Variants in ABCA13 observed in about 807,000 individuals in gnomAD.
The protein encoded by ABCA13 is ATP-binding cassette sub-family A member 13.
In ABCA13, 476 loss-of-function variants were observed where a neutral mutation model predicts 478.7. The ratio of observed to expected loss-of-function variants is 0.99; its 90% CI spans 0.92 to 1.07. The LOEUF (loss-of-function observed/expected upper bound fraction) is 1.07. Among genes scored for constraint, ABCA13 ranks in the 50% least tolerant of loss-of-function variants. The pLI is 0.00. For synonymous variants in ABCA13, 2,252 were observed against 2,158.9 expected (o/e 1.04, Z -1.20); for missense variants, 6,060 against 5,910.6 (o/e 1.03, Z -0.83).
intron 59 of ABCA13, 118 bp downstream of exon 59, chr7:48,615,495 T>G (rs534042920): frequency 8.0e-6 from 7 of 873,396 alleles, no homozygotes; most frequent in Non-Finnish European, 1.0e-5. Context: ...TGGCATAAAA[T>G]AGGAGATGAA....
At chr7:48,449,623 C>A (rs1261094001) in intron 42 of ABCA13, among the ~76,000 whole-genome samples, 1 of 152,166 alleles carries the variant, frequency 6.6e-6, no homozygotes, top group African/African-American at 2.4e-5. Context: ...TGGTGTCTGC[C>A]TATTGAATTA....
chr7:48,575,802 A>G (rs560939735), intron 55 of ABCA13, among the ~76,000 whole-genome samples: 61 of 152,286 alleles, frequency 4.0e-4, no homozygotes, highest in African/African-American at 1.3e-3. Context: ...CTTAAAAACT[A>G]AAAATTATCA....
rs760473675 is a variant in ABCA13 at position 48,427,876 on chromosome 7, G to C, written c.12565+5G>C. On this transcript the variant is annotated splice_donor_5th_base_variant and intron_variant, in intron 42 of 61. Transcript: ENST00000435803. The stretch of plus-strand genomic sequence containing the variant: ...CAGGACATCTGTCTGGCTACTGTAA[G>C]TACAGAATGGCTTCCTGCATTTCTG... The C allele has an allele frequency of 6.4e-7, 1 of 1,564,090 alleles. No homozygotes were observed. The highest frequency in any genetic ancestry group is 1.9e-5 in the Admixed American group (1 of 52,300).
chr7:48,433,253 T>C (rs1037654656), intron 42 of ABCA13, among the ~76,000 whole-genome samples: 7 of 151,850 alleles, frequency 4.6e-5, no homozygotes, highest in African/African-American at 1.4e-4. Context: ...GCTGAAGGAT[T>C]CTATAGCCCC....
intron 19 of ABCA13, among the ~76,000 whole-genome samples, chr7:48,287,417 G>A (rs545371469): frequency 2.6e-5 from 4 of 152,258 alleles, no homozygotes; most frequent in South Asian, 4.2e-4. Context: ...CTGGACAGAC[G>A]CACAGATGGA....
intron 35 of ABCA13, among the ~76,000 whole-genome samples, chr7:48,381,948 G>T (rs145747885): frequency 1.2e-3 from 188 of 152,342 alleles, no homozygotes; most frequent in African/African-American, 4.4e-3. Flanking sequence ...CGGCTTCCAC[G>T]CCAGCTTGCA....
chr7:48,345,679 T>C (rs1303682126), intron 29 of ABCA13, among the ~76,000 whole-genome samples: 1 of 152,190 alleles, frequency 6.6e-6, no homozygotes, highest in Non-Finnish European at 1.5e-5. Flanking sequence ...AAAAAGTTTA[T>C]AAAGTATAAA....
chr7:48,415,390 C>T (rs560200292), intron 41 of ABCA13, among the ~76,000 whole-genome samples: 45 of 152,192 alleles, frequency 3.0e-4, no homozygotes, highest in Non-Finnish European at 2.1e-4. Context: ...TCTCTCTAAT[C>T]ATTCACCGGG....
Position 48,436,965 on chromosome 7 carries a change from G to A in ABCA13, c.12565+9094G>A, listed in dbSNP as rs79388783. Among the ~76,000 whole-genome samples the A allele has an allele frequency of 5.9e-3, 890 of 151,730 alleles. 4 individuals carry two copies. The highest frequency in any genetic ancestry group is 0.01 in the Non-Finnish European group (683 of 67,822). On this transcript the variant is annotated intron_variant, in intron 42 of 61. Transcript: ENST00000435803. ...TGTGATCTATCCTTGAGAATGTTTC[G>A]TATACACTTAAGAAAAATGTATATT...
chr7:48,500,257 A>G (rs1372629208), intron 48 of ABCA13, among the ~76,000 whole-genome samples: 4 of 152,226 alleles, frequency 2.6e-5, no homozygotes, highest in East Asian at 3.9e-4. Flanking sequence ...ACGTTTTACA[A>G]TTTTAAAGAA....
chr7:48,299,342 G>C (rs998037906), intron 23 of ABCA13, among the ~76,000 whole-genome samples: 1 of 152,154 alleles, frequency 6.6e-6, no homozygotes, highest in Non-Finnish European at 1.5e-5. Flanking sequence ...GTGGACTAAT[G>C]AAGAATTAAT....
At chr7:48,349,157 A>C (rs1029965240) in intron 29 of ABCA13, among the ~76,000 whole-genome samples, 1 of 152,246 alleles carries the variant, frequency 6.6e-6, no homozygotes, top group Non-Finnish European at 1.5e-5. Flanking sequence ...ACACTCATAC[A>C]GTGACACTTC....
chr7:48,323,253 C>T (rs368420033), intron 27 of ABCA13, among the ~76,000 whole-genome samples: 25 of 152,320 alleles, frequency 1.6e-4, no homozygotes, highest in Non-Finnish European at 3.4e-4. Context: ...AGGAGCTTGT[C>T]TGTCTTCTTG....
intron 7 of ABCA13, among the ~76,000 whole-genome samples, 167 bp downstream of exon 7, chr7:48,230,122 T>C (rs1013833224): frequency 6.6e-6 from 1 of 152,326 alleles, no homozygotes; most frequent in East Asian, 1.9e-4. Flanking sequence ...AGAATAAAAA[T>C]TTTGAACTCG....
chr7:48,224,921 G>A (rs187650591), intron 5 of ABCA13, among the ~76,000 whole-genome samples: 1 of 152,234 alleles, frequency 6.6e-6, no homozygotes, highest in Non-Finnish European at 1.5e-5. Flanking sequence ...CTATATACAA[G>A]TCCTTGTTGC....
chr7:48,514,020 C>T (rs1831917338), intron 51 of ABCA13, among the ~76,000 whole-genome samples: 2 of 152,176 alleles, frequency 1.3e-5, no homozygotes. Flanking sequence ...CATAACCCAA[C>T]ATGGAAACCT....
chr7:48,389,366 A>G, intron 37 of ABCA13, 146 bp downstream of exon 37: 1 of 936,228 alleles, frequency 1.1e-6, no homozygotes. Flanking sequence ...TGAAAGGCAG[A>G]GCCCCTCATG....
Position 48,279,172 on chromosome 7 carries a change from A to G in ABCA13, c.7978A>G (p.Asn2660Asp). ...EDMRSLAVAF[N>D]NETQTFSMDS... ...TATGAGGAGTCTTGCGGTAGCATTT[A>G]ACAATGAGACTCAAACATTTTCTAT... Residue 2660 changes from asparagine (N) to aspartate (D), a missense_variant, in exon 18 of 62, where the codon AAC (asparagine) becomes GAC (aspartate). Around this residue, in one of 3 missense-constraint regions of ABCA13, gnomAD observed 4,423 missense variants for 4,309.1 expected, o/e 1.03. Coordinates refer to ENST00000435803, the MANE Select transcript of ABCA13 (RefSeq NM_152701.5). The G allele has an allele frequency of 6.2e-7, 1 of 1,601,304 alleles. No homozygotes were observed. The highest frequency in any genetic ancestry group is 8.5e-7 in the Non-Finnish European group (1 of 1,173,876).
At chr7:48,350,856 C>T in intron 30 of ABCA13, 37 bp downstream of exon 30, 12 of 1,584,428 alleles carry the variant, frequency 7.6e-6, no homozygotes, top group Non-Finnish European at 1.0e-5. Context: ...CGCCAAGATG[C>T]CAACTCCTGT....
Sources: allele counts gnomAD v4.1 joint callset (sites outside exome capture counted in the v4.1 genomes callset), GRCh38; gene constraint gnomAD v4.1.1; regional missense constraint gnomAD v4.1.1; transcripts MANE v1.5; gene names NCBI Gene and HGNC (gene_info 2026-07-23, HGNC 2026-07-21).